Variants in STK35 observed in about 807,000 individuals in gnomAD.
STK35 encodes the protein serine/threonine kinase 35.
Under a neutral mutation model 37.3 loss-of-function variants are expected in STK35, and 17 were observed. The ratio of observed to expected loss-of-function variants is 0.46; its 90% CI spans 0.31 to 0.68. The LOEUF (loss-of-function observed/expected upper bound fraction) is 0.68. STK35 is among the 30% of genes least tolerant of loss of function. STK35 has a pLI of 0.05. For missense variants in STK35, 595 were observed against 746.7 expected (o/e 0.80, Z 2.37); for synonymous variants, 385 against 319.1 (o/e 1.21, Z -2.20).
In STK35 at chr20:2,117,551, T is replaced by TC. The variant is rs776591984; in HGVS notation, c.*37+137dup. The TC allele has an allele frequency of 2.2e-5, 12 of 543,548 alleles. No individual in the cohort carries two copies. Among genetic ancestry groups the TC allele is most frequent in the Non-Finnish European group, 3.5e-5 (11 of 313,022 alleles). The allele number at this position is 543,548 out of a possible 1,614,324, so 33.7% of individuals were successfully genotyped here. ...CCTCCACCTCCCGAGTTCAAGTGAT[T>TC]CTCGTGCCTCAGCCACCTGGGTAGC... On this transcript the variant is annotated intron_variant, in intron 3 of 3. Transcript: ENST00000381482. The surrounding 1 kb of genome is among the most constrained non-coding windows in gnomAD (Gnocchi z 4.4).
At chr20:2,139,048 A>G (rs1189157038) in intron 3 of STK35, among the ~76,000 whole-genome samples, 1 of 152,136 alleles carries the variant, frequency 6.6e-6, no homozygotes, top group Non-Finnish European at 1.5e-5. Flanking sequence ...GCAAAAGGTA[A>G]TGACATTTTG....
chr20:2,119,766 C>CATAATGG (rs751912148), intron 3 of STK35, among the ~76,000 whole-genome samples: 15 of 152,182 alleles, frequency 9.9e-5, no homozygotes, highest in Non-Finnish European at 1.8e-4. Flanking sequence ...CACAAGAAGC[C>CATAATGG]TCAGGAGCCA....
chr20:2,132,855 G>A (rs1015010948), intron 3 of STK35, among the ~76,000 whole-genome samples: 2 of 152,060 alleles, frequency 1.3e-5, no homozygotes, highest in Non-Finnish European at 2.9e-5. Context: ...ACCTTCTCTG[G>A]GCCCCCATTT....
At chr20:2,142,118 G>A (rs987043578) in intron 3 of STK35, among the ~76,000 whole-genome samples, 5 of 152,150 alleles carry the variant, frequency 3.3e-5, no homozygotes, top group Admixed American at 6.5e-5. Flanking sequence ...CAGTGGTTGC[G>A]TGGCTGAGAA....
intron 3 of STK35, among the ~76,000 whole-genome samples, chr20:2,121,687 G>T (rs1985820156): frequency 6.6e-6 from 1 of 152,166 alleles, no homozygotes; most frequent in Non-Finnish European, 1.5e-5. Flanking sequence ...TGAGCTCCAG[G>T]TGGTGCAACA....
intron 2 of STK35, among the ~76,000 whole-genome samples, chr20:2,110,811 G>C (rs73606120): frequency 6.6e-6 from 1 of 152,220 alleles, no homozygotes; most frequent in Admixed American, 6.5e-5. Context: ...GCACGCATCA[G>C]AGTCTGCTGT....
Position 2,144,901 on chromosome 20 carries a change from CA to C in STK35, c.*1156del, listed in dbSNP as rs1471349746. 1 of 152,942 alleles carries C rather than the reference CA, an allele frequency of 6.5e-6. No homozygotes were observed. Among genetic ancestry groups the C allele is most frequent in the Non-Finnish European group, 1.5e-5 (1 of 68,234 alleles). The allele number at this position is 152,942 out of a possible 1,614,324, so 9.5% of individuals were successfully genotyped here. A position where few individuals can be genotyped will look rare whatever the true frequency, so the allele number is the denominator to read the frequency against. ...TGCAGTGACACACACTGTCAAGCGC[CA>C]TTTCCCTCACCCCTGGAGACTTACT... On this transcript the variant is annotated 3_prime_UTR_variant, in exon 4 of 4. Transcript: ENST00000381482.
Position 2,102,704 on chromosome 20 carries a change from C to T in STK35, c.295-64C>T, listed in dbSNP as rs559964178. On this transcript the variant is annotated intron_variant, in intron 1 of 3. Coordinates refer to ENST00000381482, the MANE Select transcript of STK35 (RefSeq NM_080836.4). ...CGGGGGAGGAGGAGGTGGGACGCCC[C>T]GCGGCCTACGCTCCTGGCCTCCCCG... 2.2e-5 allele frequency: 29 copies of T among 1,300,762 alleles called. No individual in the cohort carries two copies. In the East Asian group the frequency reaches 6.3e-4, roughly 28 times the overall value. The allele number at this position is 1,300,762 out of a possible 1,614,324, so 80.6% of individuals were successfully genotyped here.
chr20:2,113,104 G>A (rs1985650566), intron 2 of STK35, among the ~76,000 whole-genome samples: 1 of 152,066 alleles, frequency 6.6e-6, no homozygotes, highest in South Asian at 2.1e-4. Flanking sequence ...TGGTTCTTTG[G>A]GAATTAGTGT....
intron 3 of STK35, among the ~76,000 whole-genome samples, chr20:2,138,137 C>T (rs755903822): frequency 5.9e-5 from 9 of 152,148 alleles, no homozygotes; most frequent in South Asian, 4.1e-4. Flanking sequence ...CACAGGACTG[C>T]GGGTGAATTT....
At chr20:2,111,960 C>T (rs1478890306) in intron 2 of STK35, among the ~76,000 whole-genome samples, 1 of 152,228 alleles carries the variant, frequency 6.6e-6, no homozygotes, top group Non-Finnish European at 1.5e-5. Flanking sequence ...CCCAACTCTT[C>T]TGGCAGATCC....
intron 3 of STK35, among the ~76,000 whole-genome samples, chr20:2,130,677 G>T (rs1213655826): frequency 6.6e-6 from 1 of 152,150 alleles, no homozygotes. Context: ...TTGTAAATTG[G>T]GAAATACTTT....
At position 2,145,378 on chromosome 20, in the gene STK35, G is replaced by A; in HGVS notation, c.*1632G>A. On this transcript the variant is annotated 3_prime_UTR_variant, in exon 4 of 4. Coordinates refer to ENST00000381482, the MANE Select transcript of STK35 (RefSeq NM_080836.4). Reference sequence around the variant, plus strand: ...CACCTAAACCAGCATAGGATTGATAGGGGAGACGGTTGGCGGGCATTTCCG... The same window carrying A: ...CACCTAAACCAGCATAGGATTGATAAGGGAGACGGTTGGCGGGCATTTCCG... 6.7e-6 allele frequency: 1 copy of A among 149,178 alleles called. No individual in the cohort carries two copies. Among genetic ancestry groups the A allele is most frequent in the Non-Finnish European group, 1.5e-5 (1 of 67,492 alleles). 9.2% of individuals were successfully genotyped at this position (149,178 alleles called of 1,614,324 possible). A position where few individuals can be genotyped will look rare whatever the true frequency, so the allele number is the denominator to read the frequency against.
At position 2,102,763 on chromosome 20, in the gene STK35, C is replaced by A; in HGVS notation, c.295-5C>A. 7.0e-7 allele frequency: 1 copy of A among 1,430,052 alleles called. No homozygotes were observed. The highest frequency in any genetic ancestry group is 9.2e-7 in the Non-Finnish European group (1 of 1,087,880). 88.6% of individuals were successfully genotyped at this position (1,430,052 alleles called of 1,614,324 possible). ...TGGCCGTTTAACCGATTCTTTCGCC[C>A]GCAGGTCACAATCCAAGGTCCGGCT... On this transcript the variant is annotated splice_polypyrimidine_tract_variant and splice_region_variant and intron_variant, in intron 1 of 3. Coordinates refer to ENST00000381482, the MANE Select transcript of STK35 (RefSeq NM_080836.4).
intron 3 of STK35, among the ~76,000 whole-genome samples, chr20:2,129,743 G>A (rs141603917): frequency 1.3e-5 from 2 of 152,230 alleles, no homozygotes; most frequent in East Asian, 1.9e-4. Flanking sequence ...TGCCCAAGGC[G>A]GTCAGAGAAA....
intron 3 of STK35, among the ~76,000 whole-genome samples, chr20:2,140,225 C>T (rs551530156): frequency 2.0e-5 from 3 of 152,256 alleles, no homozygotes; most frequent in South Asian, 2.1e-4. Context: ...CCTCAAGGAG[C>T]GGGCTCTGGT....
intron 2 of STK35, among the ~76,000 whole-genome samples, chr20:2,113,651 C>T (rs1366048428): frequency 7.9e-5 from 12 of 152,008 alleles, no homozygotes. Flanking sequence ...TAAAAACTTA[C>T]TCTTACGGCC....
chr20:2,106,210 G>C (rs540429408), intron 2 of STK35, among the ~76,000 whole-genome samples: 1 of 152,152 alleles, frequency 6.6e-6, no homozygotes, highest in African/African-American at 2.4e-5. Context: ...GGGGCCTTGG[G>C]TTTACAGCAT....
At position 2,125,662 on chromosome 20, in the gene STK35, A is replaced by ACCAG. The variant is rs1435675984; in HGVS notation, c.*37+8251_*37+8254dup. Among the ~76,000 whole-genome samples the ACCAG allele has an allele frequency of 2.0e-5, 3 of 152,218 alleles. No homozygotes were observed. In the South Asian group the frequency reaches 6.2e-4, roughly 32 times the overall value. ...AGCACAGGCACACTGTGGCAGGGCC[A>ACCAG]CCAGCCATCCCTTCAGGCGAGGTCA... is the stretch of plus-strand genomic sequence containing the variant. On this transcript the variant is annotated intron_variant, in intron 3 of 3. Transcript: ENST00000381482.
Sources: gnomAD v4.1 joint callset for allele counts (sites outside exome capture counted in the v4.1 genomes callset) on GRCh38, gnomAD v4.1.1 for gene constraint, Gnocchi (gnomAD v3.1) non-coding constraint, MANE v1.5 for transcripts, NCBI Gene and HGNC (gene_info 2026-07-23, HGNC 2026-07-21) for gene names.